AGBL4: variants seen among roughly 807,000 people sequenced by gnomAD.
AGBL4 encodes the protein AGBL carboxypeptidase 4.
AGBL4 carries 58 observed loss-of-function variants against 66.4 expected under a neutral mutation model. That is an observed-to-expected ratio of 0.87 (90% confidence interval 0.71 to 1.09). The LOEUF is 1.09. Among genes scored for constraint, AGBL4 ranks in the 50% least tolerant of loss-of-function variants. The probability of loss-of-function intolerance (pLI) is 0.00; values close to 1 mark genes in which losing one functional copy is unlikely to be tolerated. For synonymous variants in AGBL4, 234 were observed against 222.9 expected (o/e 1.05, Z -0.44); for missense variants, 579 against 631.0 (o/e 0.92, Z 0.88).
intron 5 of AGBL4, among the ~76,000 whole-genome samples, chr1:48,918,094 C>A (rs999634888): frequency 1.3e-5 from 2 of 152,176 alleles, no homozygotes; most frequent in African/African-American, 4.8e-5. Flanking sequence ...CAGATCAATG[C>A]GGACACTCAC....
chr1:49,721,040 C>T (rs995254108), intron 2 of AGBL4, among the ~76,000 whole-genome samples: 1 of 152,052 alleles, frequency 6.6e-6, no homozygotes, highest in African/African-American at 2.4e-5. Flanking sequence ...ATAAAATGCA[C>T]CAATCAGCAC....
intron 6 of AGBL4, among the ~76,000 whole-genome samples, chr1:48,809,816 G>A (rs936316524): frequency 3.3e-5 from 5 of 152,066 alleles, no homozygotes; most frequent in African/African-American, 1.2e-4. Flanking sequence ...CCTTACTTCT[G>A]ACACACTGTT....
chr1:49,542,053 G>C (rs1041103220), intron 3 of AGBL4, among the ~76,000 whole-genome samples: 1 of 152,100 alleles, frequency 6.6e-6, no homozygotes, highest in African/African-American at 2.4e-5. Context: ...TCAGTGCTCT[G>C]TGGGGACTTG....
intron 3 of AGBL4, among the ~76,000 whole-genome samples, chr1:49,372,611 C>CTT (rs1187077117): frequency 1.8e-3 from 18 of 9,938 alleles, no homozygotes; most frequent in African/African-American, 9.3e-3. Flanking sequence ...TTTTCTTTTT[C>CTT]TTTCTTTCTT....
chr1:49,365,666 C>T (rs941105574), intron 3 of AGBL4, among the ~76,000 whole-genome samples: 1 of 151,422 alleles, frequency 6.6e-6, no homozygotes, highest in East Asian at 2.0e-4. Flanking sequence ...CTAGATATTC[C>T]TGTGGGTGAT....
intron 11 of AGBL4, among the ~76,000 whole-genome samples, chr1:48,568,770 G>C (rs1644515045): frequency 2.0e-5 from 3 of 152,136 alleles, no homozygotes; most frequent in Non-Finnish European, 4.4e-5. Context: ...CCTCTATGAA[G>C]TCATCCCTGT....
chr1:49,571,281 T>G (rs1409098303), intron 3 of AGBL4, among the ~76,000 whole-genome samples: 3 of 152,074 alleles, frequency 2.0e-5, no homozygotes, highest in African/African-American at 7.2e-5. Flanking sequence ...GTATTGTGGT[T>G]TTCCTTATAG....
At chr1:49,032,298 T>C (rs1448096427) in intron 5 of AGBL4, among the ~76,000 whole-genome samples, 1 of 152,144 alleles carries the variant, frequency 6.6e-6, no homozygotes. Context: ...GCGAAATCAT[T>C]GAATATGGTA....
intron 6 of AGBL4, among the ~76,000 whole-genome samples, chr1:48,841,602 C>G (rs1646804806): frequency 6.6e-6 from 1 of 152,078 alleles, no homozygotes; most frequent in South Asian, 2.1e-4. Context: ...GTAAAACTGT[C>G]CTTGCACTGA....
At chr1:48,922,716 A>G (rs1005753597) in intron 5 of AGBL4, among the ~76,000 whole-genome samples, 1 of 152,226 alleles carries the variant, frequency 6.6e-6, no homozygotes, top group African/African-American at 2.4e-5. Flanking sequence ...GACTTCACAT[A>G]TACTGTAATG....
intron 1 of AGBL4, among the ~76,000 whole-genome samples, chr1:49,983,883 G>C (rs1659287819): frequency 6.6e-6 from 1 of 152,148 alleles, no homozygotes; most frequent in African/African-American, 2.4e-5. Flanking sequence ...GGAGACCCCA[G>C]AAAAACCTTA....
intron 3 of AGBL4, among the ~76,000 whole-genome samples, chr1:49,495,286 A>G (rs1329368927): frequency 6.6e-6 from 1 of 152,128 alleles, no homozygotes; most frequent in East Asian, 1.9e-4. Context: ...CGTGGGCCGC[A>G]TGTGGCTCAC....
At chr1:49,023,718 C>G (rs991254705) in intron 5 of AGBL4, among the ~76,000 whole-genome samples, 1 of 152,116 alleles carries the variant, frequency 6.6e-6, no homozygotes, top group Non-Finnish European at 1.5e-5. Context: ...TTATCCATCG[C>G]CATTAACTTT....
At chr1:49,741,035 G>C (rs1650404568) in intron 2 of AGBL4, among the ~76,000 whole-genome samples, 1 of 152,072 alleles carries the variant, frequency 6.6e-6, no homozygotes. Context: ...CAGAAGGCAA[G>C]AAATAACTAC....
intron 3 of AGBL4, among the ~76,000 whole-genome samples, chr1:49,297,722 A>T (rs1343313888): frequency 6.6e-6 from 1 of 152,126 alleles, no homozygotes; most frequent in Non-Finnish European, 1.5e-5. Context: ...GAAAAAGTAG[A>T]CTTTTTTTGA....
chr1:49,040,591 A>G (rs183547590), intron 5 of AGBL4, among the ~76,000 whole-genome samples: 72 of 152,242 alleles, frequency 4.7e-4, no homozygotes, highest in Non-Finnish European at 9.4e-4. Flanking sequence ...AAAATGTGGT[A>G]TACCTTTCAA....
At chr1:49,193,434 T>C (rs1194975228) in intron 4 of AGBL4, among the ~76,000 whole-genome samples, 2 of 152,110 alleles carry the variant, frequency 1.3e-5, no homozygotes, top group Non-Finnish European at 2.9e-5. Context: ...TTTTAATTTC[T>C]ATATTAATTT....
At chr1:49,968,797 G>C (rs902959888) in intron 1 of AGBL4, among the ~76,000 whole-genome samples, 2 of 152,150 alleles carry the variant, frequency 1.3e-5, no homozygotes, top group African/African-American at 4.8e-5. Context: ...AGCCATCTTC[G>C]ATGGCATGAA....
chr1:48,538,606 C>T (rs766102555), intron 12 of AGBL4, among the ~76,000 whole-genome samples: 7 of 152,206 alleles, frequency 4.6e-5, no homozygotes, highest in Non-Finnish European at 7.3e-5. Context: ...TGACCTCAGG[C>T]ATCTCAGACC....
Sources: allele counts gnomAD v4.1 joint callset (sites outside exome capture counted in the v4.1 genomes callset), GRCh38; gene constraint gnomAD v4.1.1; transcripts MANE v1.5; gene names NCBI Gene and HGNC (gene_info 2026-07-23, HGNC 2026-07-21).